CPEB3: variants seen among roughly 807,000 people sequenced by gnomAD.
The protein encoded by CPEB3 is cytoplasmic polyadenylation element-binding protein 3.
Under a neutral mutation model 67.2 loss-of-function variants are expected in CPEB3, and 20 were observed. The observed-to-expected ratio is 0.30, with a 90% CI of 0.21 to 0.43. The LOEUF is 0.43. Among genes scored for constraint, CPEB3 ranks in the 20% least tolerant of loss-of-function variants. The pLI is 1.00. For synonymous variants in CPEB3, 376 were observed against 393.1 expected (o/e 0.96, Z 0.51); for missense variants, 746 against 968.6 (o/e 0.77, Z 3.05).
At chr10:92,135,216 A>C (rs1005678045) in intron 6 of CPEB3, among the ~76,000 whole-genome samples, 2 of 152,266 alleles carry the variant, frequency 1.3e-5, no homozygotes, top group African/African-American at 4.8e-5. Flanking sequence ...CTACCATCAG[A>C]GTGAGCAGGT....
intron 4 of CPEB3, among the ~76,000 whole-genome samples, chr10:92,145,762 A>C (rs1426308243): frequency 6.6e-6 from 1 of 151,838 alleles, no homozygotes; most frequent in African/African-American, 2.4e-5. Flanking sequence ...TTCTTTCTTT[A>C]GTCATTTCTT....
intron 4 of CPEB3, among the ~76,000 whole-genome samples, chr10:92,168,839 A>G (rs1393053396): frequency 2.5e-5 from 3 of 119,612 alleles, no homozygotes; most frequent in African/African-American, 1.0e-4. Flanking sequence ...CTTGTTGCCC[A>G]GGCTGGAGTG....
intron 2 of CPEB3, among the ~76,000 whole-genome samples, chr10:92,208,245 C>G (rs1849890737): frequency 6.6e-6 from 1 of 152,128 alleles, no homozygotes; most frequent in Non-Finnish European, 1.5e-5. Flanking sequence ...CTACAAATCC[C>G]CCAAGTTGAA....
intron 3 of CPEB3, among the ~76,000 whole-genome samples, chr10:92,186,790 T>C (rs1030661209): frequency 6.6e-6 from 1 of 152,148 alleles, no homozygotes; most frequent in African/African-American, 2.4e-5. Flanking sequence ...CGCAAATTAA[T>C]GGGAGGGTAC....
chr10:92,095,596 A>ATTT (rs1307377625), intron 7 of CPEB3, among the ~76,000 whole-genome samples: 1 of 82,520 alleles, frequency 1.2e-5, no homozygotes, highest in Non-Finnish European at 2.3e-5. Flanking sequence ...ATATATATAT[A>ATTT]TATATTTTTT....
At chr10:92,080,396 A>G (rs1439982836) in intron 9 of CPEB3, among the ~76,000 whole-genome samples, 1 of 152,048 alleles carries the variant, frequency 6.6e-6, no homozygotes, top group Non-Finnish European at 1.5e-5. Context: ...CTAAAACTCT[A>G]CTTCATGCCC....
chr10:92,223,730 C>T (rs533057695), intron 2 of CPEB3, among the ~76,000 whole-genome samples: 73 of 150,306 alleles, frequency 4.9e-4, no homozygotes, highest in Non-Finnish European at 8.3e-4. Context: ...CCTGTCACCA[C>T]GCCTGGTTAA....
chr10:92,220,656 C>A (rs545539468), intron 2 of CPEB3, among the ~76,000 whole-genome samples: 2 of 151,740 alleles, frequency 1.3e-5, no homozygotes, highest in Admixed American at 6.6e-5. Flanking sequence ...TATACATAGA[C>A]CATCATGCTG....
At chr10:92,162,981 T>G (rs139110577) in intron 4 of CPEB3, among the ~76,000 whole-genome samples, 3,075 of 152,240 alleles carry the variant, frequency 0.02, 65 homozygotes, top group Non-Finnish European at 0.034. Context: ...CATAGTATAT[T>G]TGTAAAAACT....
intron 9 of CPEB3, among the ~76,000 whole-genome samples, chr10:92,053,544 CTTTT>C (rs774865830): frequency 1.9e-5 from 2 of 108,070 alleles, no homozygotes; most frequent in Admixed American, 9.8e-5. Flanking sequence ...TTTTCTTTTT[CTTTT>C]TTTTTTTTTT....
Position 92,106,838 on chromosome 10 carries a change from A to G in CPEB3, c.1572+4238T>C, listed in dbSNP as rs1035327361. On this transcript the variant is annotated intron_variant, in intron 7 of 9. Transcript: ENST00000265997. ...TCAAAAAAAAAAAAAAAAAAAAAAA[A>G]AAGAAAGAAAGAAAAAAGAAAAAAA... Among the ~76,000 whole-genome samples, 6 of 146,316 alleles carry G rather than the reference A, an allele frequency of 4.1e-5. No individual in the cohort carries two copies. In the Admixed American group the frequency reaches 4.1e-4, roughly 10 times the overall value.
intron 2 of CPEB3, among the ~76,000 whole-genome samples, chr10:92,231,788 C>T (rs954676370): frequency 6.6e-6 from 1 of 152,110 alleles, no homozygotes; most frequent in African/African-American, 2.4e-5. Context: ...GGCGCGATCT[C>T]GGCTCACTGC....
At chr10:92,142,333 T>A (rs1274933994) in intron 6 of CPEB3, among the ~76,000 whole-genome samples, 2 of 152,236 alleles carry the variant, frequency 1.3e-5, no homozygotes, top group African/African-American at 4.8e-5. Context: ...ATCTACAGAA[T>A]GTAACACAAA....
intron 2 of CPEB3, among the ~76,000 whole-genome samples, chr10:92,224,647 T>C (rs779382679): frequency 2.0e-5 from 3 of 151,806 alleles, no homozygotes; most frequent in Non-Finnish European, 2.9e-5. Context: ...GGTGAAAGGA[T>C]TGCTTGAGCC....
chr10:92,100,827 G>T (rs899324032), intron 7 of CPEB3, among the ~76,000 whole-genome samples: 1 of 151,974 alleles, frequency 6.6e-6, no homozygotes, highest in African/African-American at 2.4e-5. Flanking sequence ...TCCTAACCTC[G>T]TGATCCACCC....
At chr10:92,264,635 G>C (rs1200886041) in intron 1 of CPEB3, among the ~76,000 whole-genome samples, 2 of 150,966 alleles carry the variant, frequency 1.3e-5, no homozygotes, top group East Asian at 3.9e-4. Context: ...AGAATTGCTT[G>C]AACCCGGGAG....
At chr10:92,102,768 C>T (rs1844252452) in intron 7 of CPEB3, among the ~76,000 whole-genome samples, 1 of 152,198 alleles carries the variant, frequency 6.6e-6, no homozygotes, top group Non-Finnish European at 1.5e-5. Flanking sequence ...CTGACTGCCT[C>T]AGAAACATCT....
intron 6 of CPEB3, among the ~76,000 whole-genome samples, chr10:92,111,634 A>C (rs1223980723): frequency 6.6e-6 from 1 of 152,246 alleles, no homozygotes; most frequent in East Asian, 1.9e-4. Flanking sequence ...CAGCAAATCT[A>C]TCAAGACAAA....
chr10:92,267,904 C>T (rs1242714939), intron 1 of CPEB3, among the ~76,000 whole-genome samples: 1 of 152,136 alleles, frequency 6.6e-6, no homozygotes, highest in Non-Finnish European at 1.5e-5. Context: ...CTGCCGCCTC[C>T]GCCTCCCGGG....
Sources: allele counts gnomAD v4.1 joint callset (sites outside exome capture counted in the v4.1 genomes callset), GRCh38; gene constraint gnomAD v4.1.1; transcripts MANE v1.5; gene names NCBI Gene and HGNC (gene_info 2026-07-23, HGNC 2026-07-21).